TMEM237: variants seen among roughly 807,000 people sequenced by gnomAD.
TMEM237 encodes transmembrane protein 237.
Under a neutral mutation model 59.1 loss-of-function variants are expected in TMEM237, and 51 were observed. The observed-to-expected ratio is 0.86, with a 90% confidence interval of 0.69 to 1.09. TMEM237 has a LOEUF of 1.09. Among genes scored for constraint, TMEM237 ranks in the 50% least tolerant of loss-of-function variants. TMEM237 has a pLI of 0.00. For missense variants in TMEM237, 475 were observed against 478.3 expected (o/e 0.99, Z 0.06); for synonymous variants, 140 against 166.1 (o/e 0.84, Z 1.21).
chr2:201,635,528 G>A lies in TMEM237; in HGVS notation c.274+1220C>T, dbSNP rs1357843308. On this transcript the variant is annotated intron_variant, in intron 5 of 12. Transcript: ENST00000409883. The surrounding 1 kb of genome is among the most constrained non-coding windows in gnomAD (Gnocchi z 4.5). ...TGTAATCCCAGCACTTTGGGAGGCC[G>A]AGGTGGGCGGATCACCTGAGGTCAG... 1.1e-4 allele frequency among the ~76,000 whole-genome samples: 16 copies of A among 152,330 alleles called. No homozygotes were observed. The highest frequency in any genetic ancestry group is 3.4e-4 in the African/African-American group (14 of 41,570).
At chr2:201,630,584 G>A (rs866708564) in intron 7 of TMEM237, among the ~76,000 whole-genome samples, 2 of 152,156 alleles carry the variant, frequency 1.3e-5, no homozygotes, top group Admixed American at 1.3e-4. Context: ...TTTTCCCTAA[G>A]AAAAGACAAC....
intron 3 of TMEM237, 135 bp from the exon 4 acceptor site, chr2:201,639,180 G>A: frequency 1.3e-6 from 1 of 759,196 alleles, no homozygotes; most frequent in Non-Finnish European, 2.1e-6. Context: ...TAGATTAGGG[G>A]AAGAAGGCAA....
In TMEM237 at chr2:201,627,426, A is replaced by G. The variant is rs904691597; in HGVS notation, c.944-12T>C. On this transcript the variant is annotated splice_polypyrimidine_tract_variant and intron_variant, in intron 10 of 12. Coordinates refer to ENST00000409883, the MANE Select transcript of TMEM237 (RefSeq NM_001044385.3). Reference sequence around the variant, plus strand: ...AGCAGTAAAGTACACTGAGAAAAAGACAAATGAAATTACTAATAATTTTTA... The same window carrying G: ...AGCAGTAAAGTACACTGAGAAAAAGGCAAATGAAATTACTAATAATTTTTA... The G allele has an allele frequency of 9.2e-6, 14 of 1,527,378 alleles. No individual in the cohort carries two copies. The highest frequency in any genetic ancestry group is 1.2e-5 in the Non-Finnish European group (14 of 1,125,986). 94.6% of individuals were successfully genotyped at this position (1,527,378 alleles called of 1,614,324 possible).
chr2:201,633,396 T>A lies in TMEM237; in HGVS notation c.310A>T (p.Ser104Cys). ...ETSSTQKKSS[S>C]SSLLRNENGI... ...TTTTCATTTCGTAATAAAGATGAAC[T>A]AGATGACTTCTTTTGGGTGGAGGAA... Residue 104 changes from serine (S) to cysteine (C), a missense_variant, in exon 6 of 13, where the codon AGT becomes TGT. Transcript: ENST00000409883. 1 of 1,576,584 alleles carries A rather than the reference T, an allele frequency of 6.3e-7. No individual in the cohort carries two copies. The highest frequency in any genetic ancestry group is 8.6e-7 in the Non-Finnish European group (1 of 1,160,204).
rs373147612 is a variant in TMEM237, at chr2:201,640,274, T to C, written c.75-9A>G. The C allele has an allele frequency of 1.9e-6, 3 of 1,552,080 alleles. No individual in the cohort carries two copies. Among genetic ancestry groups the C allele is most frequent in the Non-Finnish European group, 2.6e-6 (3 of 1,160,048 alleles). On this transcript the variant is annotated splice_polypyrimidine_tract_variant and intron_variant, in intron 2 of 12. Coordinates refer to ENST00000409883, the MANE Select transcript of TMEM237 (RefSeq NM_001044385.3). Reference sequence around the variant, plus strand: ...AAACTAACTCACCTTGACTAACACGTCATATAACACCAAACAAATTTAATC... The same window carrying C: ...AAACTAACTCACCTTGACTAACACGCCATATAACACCAAACAAATTTAATC...
At chr2:201,629,119 G>T in intron 9 of TMEM237, 111 bp downstream of exon 9, 2 of 831,146 alleles carry the variant, frequency 2.4e-6, no homozygotes, top group South Asian at 4.6e-5. Context: ...ACTTTTTGAA[G>T]TAACATTGAT....
In TMEM237 at chr2:201,643,332, G is replaced by A. The variant is rs1019739511; in HGVS notation, c.42+27C>T. Reference sequence around the variant, plus strand: ...TGTAGCTGTTTACCCGCCACCTCTCGAGGCCGACGCGCCCCTCGCCGCTCA... The same window carrying A: ...TGTAGCTGTTTACCCGCCACCTCTCAAGGCCGACGCGCCCCTCGCCGCTCA... On this transcript the variant is annotated intron_variant, in intron 1 of 12. Coordinates refer to ENST00000409883, the MANE Select transcript of TMEM237 (RefSeq NM_001044385.3). This position sits in a 1 kb window ranked among gnomAD's most constrained non-coding sequence, Gnocchi z 4.3. 1.6e-5 allele frequency: 24 copies of A among 1,536,770 alleles called. No individual in the cohort carries two copies. The highest frequency in any genetic ancestry group is 2.9e-5 in the African/African-American group (2 of 70,170).
At chr2:201,641,287 C>T (rs1687412321) in intron 1 of TMEM237, among the ~76,000 whole-genome samples, 1 of 152,108 alleles carries the variant, frequency 6.6e-6, no homozygotes, top group South Asian at 2.1e-4. Flanking sequence ...CCACTACGCC[C>T]GGCCAAAGCA....
chr2:201,634,293 T>C (rs973582216), intron 5 of TMEM237: 1 of 152,300 alleles, frequency 6.6e-6, no homozygotes, highest in Admixed American at 6.5e-5. Flanking sequence ...CTGGAAATAC[T>C]AGCTCCCTGG....
intron 11 of TMEM237, among the ~76,000 whole-genome samples, chr2:201,626,700 C>T (rs1429589348): frequency 6.6e-6 from 1 of 152,178 alleles, no homozygotes; most frequent in Non-Finnish European, 1.5e-5. Context: ...CAGCTACTCA[C>T]TCCCATCACT....
chr2:201,633,212 G>A, intron 6 of TMEM237, 99 bp downstream of exon 6: 1 of 1,214,732 alleles, frequency 8.2e-7, no homozygotes, highest in Non-Finnish European at 1.1e-6. Flanking sequence ...ACAAATACAA[G>A]TATGTAATAA....
At chr2:201,636,574 A>C (rs1293386655) in intron 5 of TMEM237, 174 bp downstream of exon 5, 3 of 674,908 alleles carry the variant, frequency 4.4e-6, no homozygotes, top group Non-Finnish European at 7.3e-6. Context: ...AGACCTGTAA[A>C]GTATTCTTGG....
In TMEM237 at chr2:201,636,881, A is replaced by G; in HGVS notation, c.141T>C (p.Ser47=). ...TCTGAGCAAGGCCTTCCAAAGAAGC[A>G]CTTGCTATAGAAAAACAGAGTAGAA... is the stretch of plus-strand genomic sequence containing the variant. ...KKPRTKNTPA[S]ASLEGLAQTA... Residue 47 remains serine, a synonymous_variant, in exon 5 of 13, where the codon AGT becomes AGC. Coordinates refer to ENST00000409883, the MANE Select transcript of TMEM237 (RefSeq NM_001044385.3). The G allele has an allele frequency of 6.2e-7, 1 of 1,600,588 alleles. No homozygotes were observed. The highest frequency in any genetic ancestry group is 8.5e-7 in the Non-Finnish European group (1 of 1,175,534).
Position 201,624,217 on chromosome 2 carries a change from A to T in TMEM237, c.*38T>A. The T allele has an allele frequency of 6.5e-7, 1 of 1,547,502 alleles. No homozygotes were observed. Among genetic ancestry groups the T allele is most frequent in the Non-Finnish European group, 8.9e-7 (1 of 1,125,410 alleles). On this transcript the variant is annotated 3_prime_UTR_variant, in exon 13 of 13. Transcript: ENST00000409883. ...ATACATTTAAAAACAAAAATGGGAC[A>T]AATACTGGGTCATTATTCCTCCAAA... is the stretch of plus-strand genomic sequence containing the variant.
intron 6 of TMEM237, among the ~76,000 whole-genome samples, chr2:201,632,578 G>T (rs902081789): frequency 1.3e-5 from 2 of 152,162 alleles, no homozygotes; most frequent in African/African-American, 2.4e-5. Context: ...GTTCTCAGGA[G>T]ATCTGATCGT....
chr2:201,638,994 G>T lies in TMEM237; in HGVS notation c.131C>A (p.Thr44Lys), dbSNP rs1297284388. 1 of 1,582,462 alleles carries T rather than the reference G, an allele frequency of 6.3e-7. No individual in the cohort carries two copies. The highest frequency in any genetic ancestry group is 8.6e-7 in the Non-Finnish European group (1 of 1,163,104). The change falls in exon 4 of 13, where the codon ACA becomes AAA. Residue 44 changes from threonine (T) to lysine (K), a missense_variant. By Grantham distance (78) the Thr-to-Lys change is moderately conservative (BLOSUM62 -1). Coordinates refer to ENST00000409883, the MANE Select transcript of TMEM237 (RefSeq NM_001044385.3). The part of the protein sequence containing the change: ...PKKKKPRTKN[T>K]PASASLEGLA... ...AACAAAGAATAACGTCTTACCTGGT[G>T]TGTTTTTTGTTCTGGGCTTCTTTTT...
chr2:201,634,868 T>C, intron 5 of TMEM237: 1 of 450,208 alleles, frequency 2.2e-6, no homozygotes. Context: ...CTATAATTCT[T>C]CCATCCAATC....
At chr2:201,626,839 T>C (rs1198567870) in intron 11 of TMEM237, among the ~76,000 whole-genome samples, 2 of 152,198 alleles carry the variant, frequency 1.3e-5, no homozygotes, top group Non-Finnish European at 2.9e-5. Flanking sequence ...CCCAACAATA[T>C]GGGAGGCCAA....
intron 4 of TMEM237, among the ~76,000 whole-genome samples, chr2:201,637,974 C>G (rs73989525): frequency 0.068 from 10,294 of 152,166 alleles, 510 homozygotes; most frequent in African/African-American, 0.12. Context: ...GGTAATTTAG[C>G]AGAGTCAGTC....
Sources: allele counts gnomAD v4.1 joint callset (sites outside exome capture counted in the v4.1 genomes callset), GRCh38; gene constraint gnomAD v4.1.1; non-coding constraint Gnocchi (gnomAD v3.1); transcripts MANE v1.5; gene names NCBI Gene and HGNC (gene_info 2026-07-23, HGNC 2026-07-21).